Variants in IQCH observed in about 807,000 individuals in gnomAD.
The protein encoded by IQCH is IQ motif containing H.
A neutral mutation model predicts 117.0 loss-of-function variants in IQCH; 98 were observed. That is an observed-to-expected ratio of 0.84 (90% CI 0.71 to 0.99). IQCH has a LOEUF of 0.99. Ranked by LOEUF, IQCH falls within the 50% of genes least tolerant of loss-of-function variation. The pLI, the probability that IQCH is intolerant of heterozygous loss-of-function variation, is 0.00. For synonymous variants in IQCH, 412 were observed against 448.2 expected (o/e 0.92, Z 1.02); for missense variants, 1,102 against 1,243.8 (o/e 0.89, Z 1.72).
rs1028378957 is a variant in IQCH, at chr15:67,417,708, G to A, written c.2218+657G>A. Among the ~76,000 whole-genome samples, 3 of 151,994 alleles carry A rather than the reference G, an allele frequency of 2.0e-5. No homozygotes were observed. Among genetic ancestry groups the A allele is most frequent in the Non-Finnish European group, 2.9e-5 (2 of 68,024 alleles). On this transcript the variant is annotated intron_variant, in intron 15 of 20. Coordinates refer to ENST00000335894, the MANE Select transcript of IQCH (RefSeq NM_001031715.3). This position sits in a 1 kb window ranked among gnomAD's most constrained non-coding sequence, Gnocchi z 4.3. ...ATGGAGTGAATGATGCCTGTCTACCGTCTCAGAGGTCCCTGTCAGATGTTA... is the reference window on the plus strand; with the variant it reads ...ATGGAGTGAATGATGCCTGTCTACCATCTCAGAGGTCCCTGTCAGATGTTA...
intron 8 of IQCH, among the ~76,000 whole-genome samples, chr15:67,368,068 G>C (rs1356942910): frequency 6.6e-6 from 1 of 152,078 alleles, no homozygotes; most frequent in African/African-American, 2.4e-5. Flanking sequence ...AACTCTGCAG[G>C]GACCTCTCAT....
Position 67,352,052 on chromosome 15 carries a change from C to CGAA in IQCH, c.638-5293_638-5292insGAA, listed in dbSNP as rs564870165. On this transcript the variant is annotated intron_variant, in intron 6 of 20. Coordinates refer to ENST00000335894, the MANE Select transcript of IQCH (RefSeq NM_001031715.3). ...GTTTTGTTGCTATTTCATTTTCTTT[C>CGAA]CTTTATTGTCTTCTTTTGAATAGAT... 2.9e-3 allele frequency among the ~76,000 whole-genome samples: 448 copies of CGAA among 151,978 alleles called. 3 individuals are homozygous for CGAA. The highest frequency in any genetic ancestry group is 0.01 in the African/African-American group (431 of 41,492).
chr15:67,426,559 C>CA lies in IQCH; in HGVS notation c.2505+4982_2505+4983insA, dbSNP rs2081895080. ...AACTATTACATATCAATAAAAAATA[C>CA]CAAAAAAAAACCCAACCTCATACTC... is the stretch of plus-strand genomic sequence containing the variant. On this transcript the variant is annotated intron_variant, in intron 16 of 20. Coordinates refer to ENST00000335894, the MANE Select transcript of IQCH (RefSeq NM_001031715.3). The surrounding 1 kb of genome is among the most constrained non-coding windows in gnomAD (Gnocchi z 5.1). Among the ~76,000 whole-genome samples the CA allele has an allele frequency of 6.8e-6, 1 of 148,036 alleles. No homozygotes were observed. Among genetic ancestry groups the CA allele is most frequent in the East Asian group, 2.0e-4 (1 of 4,898 alleles).
intron 18 of IQCH, among the ~76,000 whole-genome samples, chr15:67,478,935 AAG>A (rs1245462897): frequency 6.6e-6 from 1 of 152,160 alleles, no homozygotes; most frequent in Admixed American, 6.5e-5. Context: ...AAAAAAAAGA[AAG>A]AAATGAAAAA....
chr15:67,417,084 T>C lies in IQCH; in HGVS notation c.2218+33T>C. 1 of 1,572,032 alleles carries C rather than the reference T, an allele frequency of 6.4e-7. No individual in the cohort carries two copies. The highest frequency in any genetic ancestry group is 8.6e-7 in the Non-Finnish European group (1 of 1,159,198). On this transcript the variant is annotated intron_variant, in intron 15 of 20. Transcript: ENST00000335894. This position sits in a 1 kb window ranked among gnomAD's most constrained non-coding sequence, Gnocchi z 4.3. ...AGACTGTAAAGTTTCTATTGAGGAT[T>C]AGTCTACACAACCTTGGATTCTAGT...
rs1276428540 is a variant in IQCH at position 67,366,494 on chromosome 15, AG to A, written c.754-5615del. Reference sequence around the variant, plus strand: ...TCAAAGGATGGGGATTTTTCTCCTCAGGAAGTGTTTCAGAGTTCAGGAAGAC... The same window carrying A: ...TCAAAGGATGGGGATTTTTCTCCTCAGAAGTGTTTCAGAGTTCAGGAAGAC... On this transcript the variant is annotated intron_variant, in intron 8 of 20. Coordinates refer to ENST00000335894, the MANE Select transcript of IQCH (RefSeq NM_001031715.3). The surrounding 1 kb of genome is among the most constrained non-coding windows in gnomAD (Gnocchi z 4.4). Among the ~76,000 whole-genome samples, 6 of 152,330 alleles carry A rather than the reference AG, an allele frequency of 3.9e-5. No individual in the cohort carries two copies. Among genetic ancestry groups the A allele is most frequent in the Admixed American group, 1.3e-4 (2 of 15,294 alleles).
Position 67,466,590 on chromosome 15 carries a change from T to C in IQCH, c.2676+1293T>C, listed in dbSNP as rs564510511. ...CTTCCCAGGATCTCTGCAGTCACCA[T>C]AAGGAGGGCACCTGATGTCTTGGGG... On this transcript the variant is annotated intron_variant, in intron 17 of 20. Transcript: ENST00000335894. This position sits in a 1 kb window ranked among gnomAD's most constrained non-coding sequence, Gnocchi z 4.4. 4 of 152,356 alleles carry C rather than the reference T, an allele frequency of 2.6e-5. No homozygotes were observed. The highest frequency in any genetic ancestry group is 5.9e-5 in the Non-Finnish European group (4 of 68,090). 9.4% of individuals were successfully genotyped at this position (152,356 alleles called of 1,614,324 possible).
In IQCH at chr15:67,500,818, A is replaced by C. The variant is rs1394540540; in HGVS notation, c.*72A>C. The C allele has an allele frequency of 1.4e-5, 10 of 707,958 alleles. No individual in the cohort carries two copies. Among genetic ancestry groups the C allele is most frequent in the Non-Finnish European group, 2.1e-5 (9 of 432,470 alleles). 43.9% of individuals were successfully genotyped at this position (707,958 alleles called of 1,614,324 possible). A position where few individuals can be genotyped will look rare whatever the true frequency, so the allele number is the denominator to read the frequency against. On this transcript the variant is annotated 3_prime_UTR_variant, in exon 21 of 21. Transcript: ENST00000335894. This position sits in a 1 kb window ranked among gnomAD's most constrained non-coding sequence, Gnocchi z 4.4. ...AAGGGCAATTTTTTTTTCTGTTAGA[A>C]ATAAAAGCCAGGGGAAATTGGTTTG...
Position 67,422,643 on chromosome 15 carries a change from A to G in IQCH, c.2505+1066A>G, listed in dbSNP as rs1031649193. 9.2e-5 allele frequency among the ~76,000 whole-genome samples: 14 copies of G among 152,280 alleles called. 1 individual carries two copies. The highest frequency in any genetic ancestry group is 1.7e-4 in the African/African-American group (7 of 41,562). ...AGAATTTTGTAGATCATAACATTCT[A>G]TCTATTATTATTTTACTGTATGCTT... On this transcript the variant is annotated intron_variant, in intron 16 of 20. Coordinates refer to ENST00000335894, the MANE Select transcript of IQCH (RefSeq NM_001031715.3). The surrounding 1 kb of genome is among the most constrained non-coding windows in gnomAD (Gnocchi z 4.7).
At chr15:67,330,498 T>C (rs953200258) in intron 4 of IQCH, among the ~76,000 whole-genome samples, 2 of 152,166 alleles carry the variant, frequency 1.3e-5, no homozygotes, top group African/African-American at 4.8e-5. Flanking sequence ...TCTCCAAGAA[T>C]GCTGGTAAAC....
At chr15:67,283,440 G>C (rs1596096151) in intron 4 of IQCH, among the ~76,000 whole-genome samples, 1 of 152,004 alleles carries the variant, frequency 6.6e-6, no homozygotes, top group East Asian at 1.9e-4. Flanking sequence ...ATGAAGTTAT[G>C]TTCATACAAT....
rs529318414 is a variant in IQCH at position 67,254,883 on chromosome 15, T to G, written c.-14T>G. On this transcript the variant is annotated 5_prime_UTR_variant, in exon 1 of 21. Transcript: ENST00000335894. Reference sequence around the variant, plus strand: ...ACCGCGCCTCCGCGGAGGTAGCCGTTCCCTGACCTAGCCATGGCACAGAAC... The same window carrying G: ...ACCGCGCCTCCGCGGAGGTAGCCGTGCCCTGACCTAGCCATGGCACAGAAC... 4 of 1,613,054 alleles carry G rather than the reference T, an allele frequency of 2.5e-6. No individual in the cohort carries two copies. Among genetic ancestry groups the G allele is most frequent in the African/African-American group, 2.7e-5 (2 of 74,870 alleles).
chr15:67,285,700 G>A (rs1002274046), intron 4 of IQCH, among the ~76,000 whole-genome samples: 2 of 152,104 alleles, frequency 1.3e-5, no homozygotes, highest in Non-Finnish European at 2.9e-5. Context: ...ATCATTTATT[G>A]AATAGGGAAT....
intron 4 of IQCH, among the ~76,000 whole-genome samples, chr15:67,297,128 C>G (rs1054565304): frequency 6.6e-6 from 1 of 152,150 alleles, no homozygotes; most frequent in Non-Finnish European, 1.5e-5. Context: ...TGGAGGGCTT[C>G]TACTTTGTTG....
intron 4 of IQCH, among the ~76,000 whole-genome samples, chr15:67,329,314 T>G (rs553065280): frequency 6.6e-4 from 92 of 140,358 alleles, no homozygotes; most frequent in Non-Finnish European, 1.2e-3. Flanking sequence ...AAAAAAAAAA[T>G]GTTGTACTTC....
At chr15:67,276,098 G>A (rs1285021269) in intron 3 of IQCH, among the ~76,000 whole-genome samples, 1 of 151,978 alleles carries the variant, frequency 6.6e-6, no homozygotes, top group Non-Finnish European at 1.5e-5. Context: ...AACTGATATT[G>A]AAGAAATTTT....
intron 2 of IQCH, 99 bp downstream of exon 2, chr15:67,261,493 C>A: frequency 9.6e-7 from 1 of 1,045,442 alleles, no homozygotes; most frequent in Non-Finnish European, 1.4e-6. Context: ...AATTCTGTAA[C>A]AAAGCTGAAT....
intron 3 of IQCH, among the ~76,000 whole-genome samples, chr15:67,268,079 G>C (rs1028690465): frequency 6.6e-6 from 1 of 152,164 alleles, no homozygotes; most frequent in African/African-American, 2.4e-5. Flanking sequence ...TGAGGCTCAA[G>C]TCCTAATCAG....
intron 6 of IQCH, among the ~76,000 whole-genome samples, 187 bp from the exon 7 acceptor site, chr15:67,357,158 A>G (rs543156966): frequency 2.6e-5 from 4 of 152,308 alleles, no homozygotes; most frequent in East Asian, 3.9e-4. Context: ...TTGCCCTCTC[A>G]TGCTCTTGGC....
Sources: allele counts gnomAD v4.1 joint callset (sites outside exome capture counted in the v4.1 genomes callset), GRCh38; gene constraint gnomAD v4.1.1; non-coding constraint Gnocchi (gnomAD v3.1); transcripts MANE v1.5; gene names NCBI Gene and HGNC (gene_info 2026-07-23, HGNC 2026-07-21).